Variants in FAM174A observed in about 807,000 individuals in gnomAD.
The protein encoded by FAM174A is membrane protein FAM174A.
In FAM174A, 14 loss-of-function variants were observed where a neutral mutation model predicts 14.3. The ratio of observed to expected loss-of-function variants is 0.98; its 90% CI spans 0.65 to 1.53. FAM174A has a LOEUF of 1.53. FAM174A is among the 40% of genes most tolerant of loss of function. The pLI, the probability that FAM174A is intolerant of heterozygous loss-of-function variation, is 0.00. For missense variants in FAM174A, 241 were observed against 249.6 expected (o/e 0.97, Z 0.23); for synonymous variants, 108 against 111.4 (o/e 0.97, Z 0.19).
chr5:100,536,047 C>T, intron 1 of FAM174A, 83 bp downstream of exon 1: 1 of 1,248,358 alleles, frequency 8.0e-7, no homozygotes, highest in Non-Finnish European at 1.1e-6. Flanking sequence ...CTTCTGTGAC[C>T]CTTTCCCCCT....
intron 2 of FAM174A, among the ~76,000 whole-genome samples, chr5:100,583,059 C>A (rs945555210): frequency 1.3e-5 from 2 of 152,070 alleles, no homozygotes; most frequent in African/African-American, 4.8e-5. Context: ...TCTATTCTTA[C>A]AACAAAGCAT....
intron 1 of FAM174A, among the ~76,000 whole-genome samples, chr5:100,552,944 T>C (rs139455414): frequency 8.2e-4 from 125 of 152,222 alleles, no homozygotes; most frequent in African/African-American, 2.9e-3. Flanking sequence ...TACTTTCCTC[T>C]GTACAAATTT....
intron 1 of FAM174A, among the ~76,000 whole-genome samples, chr5:100,554,203 C>G (rs1282553665): frequency 6.6e-6 from 1 of 151,878 alleles, no homozygotes; most frequent in African/African-American, 2.4e-5. Flanking sequence ...TAGTTTCACT[C>G]ACTCTTATGT....
intron 1 of FAM174A, among the ~76,000 whole-genome samples, chr5:100,559,965 T>A (rs958383769): frequency 5.3e-5 from 8 of 151,704 alleles, no homozygotes; most frequent in Admixed American, 6.6e-5. Flanking sequence ...GTCATTCTCC[T>A]TCCAGCTTTG....
At chr5:100,564,663 C>T (rs1205755307) in intron 2 of FAM174A, among the ~76,000 whole-genome samples, 2 of 151,426 alleles carry the variant, frequency 1.3e-5, no homozygotes, top group Non-Finnish European at 3.0e-5. Context: ...AGAAAAGGCT[C>T]AAATAAATAA....
intron 1 of FAM174A, among the ~76,000 whole-genome samples, chr5:100,560,851 C>T (rs1389350893): frequency 1.3e-5 from 2 of 151,982 alleles, no homozygotes; most frequent in Non-Finnish European, 2.9e-5. Flanking sequence ...TCTTGTGAAA[C>T]ACATTTTGCT....
intron 2 of FAM174A, among the ~76,000 whole-genome samples, chr5:100,565,790 G>A (rs1003231867): frequency 3.3e-5 from 5 of 151,434 alleles, no homozygotes; most frequent in South Asian, 2.1e-4. Flanking sequence ...AAGAAATATC[G>A]GAGACTGGGT....
At chr5:100,551,463 A>C (rs1746261869) in intron 1 of FAM174A, among the ~76,000 whole-genome samples, 1 of 152,148 alleles carries the variant, frequency 6.6e-6, no homozygotes, top group African/African-American at 2.4e-5. Context: ...CCAGAACTGC[A>C]CTGCAAGCTA....
chr5:100,538,611 TTCTG>T (rs1180148464), intron 1 of FAM174A, among the ~76,000 whole-genome samples: 1 of 152,026 alleles, frequency 6.6e-6, no homozygotes, highest in Non-Finnish European at 1.5e-5. Context: ...AAAGAGACTT[TTCTG>T]TCTTATTCTC....
chr5:100,539,574 TA>T (rs1746010569), intron 1 of FAM174A, among the ~76,000 whole-genome samples: 1 of 152,192 alleles, frequency 6.6e-6, no homozygotes, highest in Non-Finnish European at 1.5e-5. Context: ...CCGCATACTT[TA>T]TGTGCATTTT....
intron 1 of FAM174A, among the ~76,000 whole-genome samples, chr5:100,546,995 A>C (rs1261408427): frequency 6.6e-6 from 1 of 151,996 alleles, no homozygotes; most frequent in Non-Finnish European, 1.5e-5. Flanking sequence ...AAACTGCCTC[A>C]TGTTCCTGTG....
intron 1 of FAM174A, among the ~76,000 whole-genome samples, chr5:100,549,735 A>G (rs547324306): frequency 3.3e-5 from 5 of 152,158 alleles, no homozygotes; most frequent in Admixed American, 1.3e-4. Flanking sequence ...TGGTAGGGGC[A>G]GAGCTGGATA....
chr5:100,579,441 T>G (rs1294181863), intron 2 of FAM174A, among the ~76,000 whole-genome samples: 2 of 152,044 alleles, frequency 1.3e-5, no homozygotes, highest in Non-Finnish European at 2.9e-5. Context: ...TTTTTTTAAT[T>G]AAGATGGAGT....
chr5:100,572,849 C>A, intron 2 of FAM174A, among the ~76,000 whole-genome samples: 1 of 152,272 alleles, frequency 6.6e-6, no homozygotes, highest in South Asian at 2.1e-4. Flanking sequence ...AATGGTTGAA[C>A]TAGTTTACAG....
At chr5:100,566,166 A>ATATATAATTACAT (rs1746646954) in intron 2 of FAM174A, among the ~76,000 whole-genome samples, 2 of 143,300 alleles carry the variant, frequency 1.4e-5, no homozygotes, top group Non-Finnish European at 3.1e-5. Flanking sequence ...ATATATATAT[A>ATATATAATTACAT]TATATGTACA....
intron 2 of FAM174A, among the ~76,000 whole-genome samples, chr5:100,574,693 A>G (rs1421261110): frequency 6.6e-6 from 1 of 152,168 alleles, no homozygotes; most frequent in Non-Finnish European, 1.5e-5. Flanking sequence ...AAAAATTAGC[A>G]AAGAACCTAT....
chr5:100,559,883 A>G (rs1048105398), intron 1 of FAM174A, among the ~76,000 whole-genome samples: 15 of 149,754 alleles, frequency 1.0e-4, no homozygotes, highest in Non-Finnish European at 1.5e-4. Flanking sequence ...CTTCTTTGCC[A>G]TGGGTTCGAA....
intron 1 of FAM174A, among the ~76,000 whole-genome samples, chr5:100,543,474 A>G (rs1203458742): frequency 1.3e-5 from 2 of 152,218 alleles, no homozygotes; most frequent in African/African-American, 2.4e-5. Flanking sequence ...ACTGTATTGG[A>G]CAGAACAATG....
At chr5:100,551,285 T>A (rs1274335471) in intron 1 of FAM174A, among the ~76,000 whole-genome samples, 1 of 152,188 alleles carries the variant, frequency 6.6e-6, no homozygotes, top group Non-Finnish European at 1.5e-5. Flanking sequence ...ATCTTCCTGC[T>A]GTCACAGATT....
Sources: gnomAD v4.1 joint callset for allele counts (sites outside exome capture counted in the v4.1 genomes callset) on GRCh38, gnomAD v4.1.1 for gene constraint, MANE v1.5 for transcripts, NCBI Gene and HGNC (gene_info 2026-07-23, HGNC 2026-07-21) for gene names.